BMAL1: variants seen among roughly 807,000 people sequenced by gnomAD.
The protein encoded by BMAL1 is basic helix-loop-helix ARNT like 1, also known as basic helix-loop-helix ARNT-like protein 1.
the BMAL1 span, among the ~76,000 whole-genome samples, chr11:13,349,232 C>G: frequency 6.6e-6 from 1 of 152,232 alleles, no homozygotes; most frequent in Admixed American, 6.5e-5. Context: ...CCGAGGAGCT[C>G]GCTTCAGCAG....
At chr11:13,298,465 C>G in the BMAL1 span, among the ~76,000 whole-genome samples, 1 of 152,166 alleles carries the variant, frequency 6.6e-6, no homozygotes, top group East Asian at 1.9e-4. Flanking sequence ...TATTTTTCCT[C>G]CTAGCACTTA....
At chr11:13,316,310 T>C in the BMAL1 span, among the ~76,000 whole-genome samples, 20 of 152,120 alleles carry the variant, frequency 1.3e-4, no homozygotes, top group Admixed American at 1.3e-3. Context: ...CATGGTGCAG[T>C]TGGTATGTGT....
chr11:13,358,615 C>G, the BMAL1 span: 1 of 1,541,800 alleles, frequency 6.5e-7, no homozygotes, highest in South Asian at 1.2e-5. Flanking sequence ...CTCTATTGTC[C>G]TTTATGTCCT....
At chr11:13,284,377 A>G in the BMAL1 span, among the ~76,000 whole-genome samples, 1 of 150,664 alleles carries the variant, frequency 6.6e-6, no homozygotes, top group Non-Finnish European at 1.5e-5. Flanking sequence ...GTTCAAATAT[A>G]TACTGCACAG....
the BMAL1 span, among the ~76,000 whole-genome samples, chr11:13,292,094 C>G: frequency 6.6e-6 from 1 of 152,200 alleles, no homozygotes; most frequent in African/African-American, 2.4e-5. Context: ...GCTCTCTCCC[C>G]TACTGTTTCT....
the BMAL1 span, among the ~76,000 whole-genome samples, chr11:13,351,695 A>G: frequency 6.6e-6 from 1 of 152,130 alleles, no homozygotes; most frequent in Non-Finnish European, 1.5e-5. Context: ...GTCCCGTGAG[A>G]AGGGGGATCT....
At chr11:13,300,475 A>G in the BMAL1 span, among the ~76,000 whole-genome samples, 1 of 152,242 alleles carries the variant, frequency 6.6e-6, no homozygotes, top group Non-Finnish European at 1.5e-5. Context: ...GGGAAACAGT[A>G]ACATGAAATT....
the BMAL1 span, among the ~76,000 whole-genome samples, chr11:13,331,935 G>C: frequency 6.6e-6 from 1 of 152,226 alleles, no homozygotes; most frequent in Non-Finnish European, 1.5e-5. Flanking sequence ...AGCGGTTTTA[G>C]AGGATGCGAA....
At chr11:13,295,556 A>C in the BMAL1 span, among the ~76,000 whole-genome samples, 3 of 152,042 alleles carry the variant, frequency 2.0e-5, no homozygotes, top group Non-Finnish European at 4.4e-5. Context: ...GCGAGGGCCG[A>C]GCTTCTCCCA....
chr11:13,351,902 A>G, the BMAL1 span, among the ~76,000 whole-genome samples: 3 of 152,240 alleles, frequency 2.0e-5, no homozygotes, highest in African/African-American at 7.2e-5. Context: ...AACTGGAGAC[A>G]GAGAAATGGG....
chr11:13,280,252 GT>G, the BMAL1 span, among the ~76,000 whole-genome samples: 1 of 152,228 alleles, frequency 6.6e-6, no homozygotes, highest in African/African-American at 2.4e-5. Context: ...CTACTTACGA[GT>G]TTGTCTGCTA....
chr11:13,303,856 T>TA, the BMAL1 span, among the ~76,000 whole-genome samples: 1 of 152,166 alleles, frequency 6.6e-6, no homozygotes, highest in African/African-American at 2.4e-5. Flanking sequence ...ATGTGCCGCC[T>TA]AAAAAAAGGA....
At chr11:13,363,700 C>T in the BMAL1 span, among the ~76,000 whole-genome samples, 1 of 152,316 alleles carries the variant, frequency 6.6e-6, no homozygotes, top group African/African-American at 2.4e-5. Context: ...CTACGTTAGT[C>T]TACTTCCCCA....
the BMAL1 span, chr11:13,379,025 G>A: frequency 2.6e-5 from 4 of 152,242 alleles, no homozygotes; most frequent in African/African-American, 9.7e-5. Context: ...CTGGGTCTGA[G>A]TCCTGGGCCT....
chr11:13,277,231 G>A, the BMAL1 span, among the ~76,000 whole-genome samples: 1 of 152,262 alleles, frequency 6.6e-6, no homozygotes, highest in Admixed American at 6.5e-5. Context: ...GAGAGAGGGA[G>A]TCAGGAACTG....
chr11:13,305,478 A>G, the BMAL1 span, among the ~76,000 whole-genome samples: 282 of 152,338 alleles, frequency 1.9e-3, no homozygotes, highest in Non-Finnish European at 3.2e-3. Flanking sequence ...AAACTCACTA[A>G]TTAGTCATAG....
chr11:13,356,907 G>A, the BMAL1 span: 2 of 1,587,262 alleles, frequency 1.3e-6, no homozygotes, highest in Admixed American at 3.6e-5. Flanking sequence ...GTGAGCCTGT[G>A]GGCGCTCACT....
the BMAL1 span, among the ~76,000 whole-genome samples, chr11:13,287,070 G>T: frequency 6.6e-6 from 1 of 152,146 alleles, no homozygotes; most frequent in African/African-American, 2.4e-5. Flanking sequence ...AAAAGTACCT[G>T]ATCCTTTAAC....
the BMAL1 span, among the ~76,000 whole-genome samples, chr11:13,287,066 A>AC: frequency 3.4e-3 from 516 of 152,294 alleles, 3 homozygotes; most frequent in African/African-American, 0.011. Context: ...GGTGAAAAGT[A>AC]CCTGATCCTT....
Sources: allele counts gnomAD v4.1 joint callset (sites outside exome capture counted in the v4.1 genomes callset), GRCh38; gene constraint gnomAD v4.1.1; transcripts MANE v1.5; gene names NCBI Gene and HGNC (gene_info 2026-07-23, HGNC 2026-07-21).